Variants in MAST2 observed in about 807,000 individuals in gnomAD.
MAST2 encodes microtubule-associated serine/threonine-protein kinase 2.
MAST2 carries 70 observed loss-of-function variants against 147.4 expected under a neutral mutation model. The observed-to-expected ratio is 0.47, with a 90% CI of 0.39 to 0.58. The LOEUF is 0.58. Among genes scored for constraint, MAST2 ranks in the 20% least tolerant of loss-of-function variants. MAST2 has a pLI of 0.00. For synonymous variants in MAST2, 869 were observed against 896.8 expected, an observed-to-expected ratio of 0.97 and a Z score of 0.55; for missense variants, 2,080 against 2,302.3, an observed-to-expected ratio of 0.90 and a Z score of 1.98.
At chr1:46,008,517 G>T (rs1645583134) in intron 9 of MAST2, 146 bp downstream of exon 9, 1 of 630,340 alleles carries the variant, frequency 1.6e-6, no homozygotes, top group African/African-American at 1.8e-5. Context: ...CCAGGAGGCT[G>T]TGGACACAGC....
chr1:45,986,932 G>A (rs915651765), intron 5 of MAST2, among the ~76,000 whole-genome samples: 2 of 152,076 alleles, frequency 1.3e-5, no homozygotes, highest in Admixed American at 6.6e-5. Context: ...CAATTTTCTG[G>A]AAGTGTGTAG....
intron 16 of MAST2, among the ~76,000 whole-genome samples, chr1:46,026,026 G>A (rs574963366): frequency 3.9e-5 from 6 of 152,224 alleles, no homozygotes; most frequent in South Asian, 4.2e-4. Context: ...ATAAGGCTTC[G>A]GTGACATGGA....
At position 45,961,805 on chromosome 1, in the gene MAST2, G is replaced by T. The variant is rs540660143; in HGVS notation, c.592+2328G>T. Among the ~76,000 whole-genome samples the T allele has an allele frequency of 2.8e-4, 43 of 152,030 alleles. 1 individual carries two copies. In the East Asian group the frequency reaches 6.8e-3, roughly 24 times the overall value. ...ATTTTATTATACTTTAAGTTCTAGGGTACATGTGCACAACTTACAGGTTTG... is the reference window on the plus strand; with the variant it reads ...ATTTTATTATACTTTAAGTTCTAGGTTACATGTGCACAACTTACAGGTTTG... On this transcript the variant is annotated intron_variant, in intron 5 of 28. Transcript: ENST00000361297.
chr1:45,994,901 CTG>C (rs1404167090), intron 5 of MAST2, among the ~76,000 whole-genome samples: 1 of 151,296 alleles, frequency 6.6e-6, no homozygotes, highest in Non-Finnish European at 1.5e-5. Flanking sequence ...TACAGTGGCA[CTG>C]TCTCGGCTCA....
At chr1:45,935,197 TCTG>T (rs1656003614) in intron 4 of MAST2, among the ~76,000 whole-genome samples, 1 of 152,212 alleles carries the variant, frequency 6.6e-6, no homozygotes, top group South Asian at 2.1e-4. Context: ...TTGTGTGTCT[TCTG>T]AGGAGTGTCT....
At chr1:45,881,672 C>T (rs1464943220) in intron 3 of MAST2, among the ~76,000 whole-genome samples, 3 of 151,946 alleles carry the variant, frequency 2.0e-5, no homozygotes, top group Non-Finnish European at 4.4e-5. Context: ...ACCCACTGCC[C>T]CTAATCCTAT....
chr1:45,957,883 G>A (rs4454479), intron 4 of MAST2, among the ~76,000 whole-genome samples: 51,534 of 151,996 alleles, frequency 0.34, 9,117 homozygotes, highest in African/African-American at 0.43. Flanking sequence ...AAATAGATGG[G>A]AAGCTTGGTT....
intron 10 of MAST2, among the ~76,000 whole-genome samples, chr1:46,018,199 C>T (rs34175029): frequency 0.45 from 67,954 of 151,974 alleles, 15,400 homozygotes; most frequent in East Asian, 0.63. Context: ...AGGGCACCAT[C>T]CGGCATGCCT....
chr1:46,004,252 G>A (rs559667325), intron 7 of MAST2, among the ~76,000 whole-genome samples: 2 of 150,814 alleles, frequency 1.3e-5, no homozygotes, highest in Non-Finnish European at 3.0e-5. Context: ...TAGTCCCAGC[G>A]TCTCAGGAGG....
chr1:45,824,666 A>T, intron 2 of MAST2, 86 bp downstream of exon 2: 1 of 1,367,758 alleles, frequency 7.3e-7, no homozygotes, highest in East Asian at 2.4e-5. Flanking sequence ...GCATCTTGAC[A>T]GTTTCTTCTC....
rs764870754 is a variant in MAST2, at chr1:46,021,957, A to G, written c.1298A>G (p.Asp433Gly). Reference sequence around the variant, plus strand: ...CTCTCTCCCTTGGTACAGGAGTTTGACCCTGAAGAGTTCTACCACCTTTTA... The same window carrying G: ...CTCTCTCCCTTGGTACAGGAGTTTGGCCCTGAAGAGTTCTACCACCTTTTA... ...PARLLECLEF[D>G]PEEFYHLLEA... is the part of the protein sequence containing the mutation. The change falls in exon 12 of 29, where the codon GAC (aspartate) becomes GGC (glycine). Residue 433 changes from aspartate (D) to glycine (G), a missense_variant. Asp to Gly is a moderately conservative substitution (Grantham distance 94). This residue lies in a region of MAST2 where 569 missense variants were observed against 642.5 expected (regional missense o/e 0.89). Coordinates refer to ENST00000361297, the MANE Select transcript of MAST2 (RefSeq NM_015112.3). The G allele has an allele frequency of 6.2e-7, 1 of 1,614,152 alleles. No homozygotes were observed. Among genetic ancestry groups the G allele is most frequent in the Non-Finnish European group, 8.5e-7 (1 of 1,180,012 alleles).
chr1:45,878,686 A>G (rs938505355), intron 3 of MAST2, among the ~76,000 whole-genome samples: 2 of 152,138 alleles, frequency 1.3e-5, no homozygotes, highest in Admixed American at 6.5e-5. Flanking sequence ...AAATTAATTG[A>G]ATTTCTATAA....
chr1:45,971,268 G>A (rs1643903207), intron 5 of MAST2, among the ~76,000 whole-genome samples: 1 of 152,182 alleles, frequency 6.6e-6, no homozygotes, highest in African/African-American at 2.4e-5. Flanking sequence ...CAGCAATCAG[G>A]GAATAGCCCT....
At chr1:45,954,090 T>C (rs1659322231) in intron 4 of MAST2, among the ~76,000 whole-genome samples, 1 of 152,156 alleles carries the variant, frequency 6.6e-6, no homozygotes, top group Non-Finnish European at 1.5e-5. Flanking sequence ...TTCTAAATTC[T>C]AAAAGGTGCC....
chr1:46,002,008 C>G (rs1328336468), intron 6 of MAST2, among the ~76,000 whole-genome samples: 1 of 152,162 alleles, frequency 6.6e-6, no homozygotes, highest in Non-Finnish European at 1.5e-5. Context: ...CACCACATCC[C>G]ACAGTCCAGG....
Position 46,030,217 on chromosome 1 carries a change from C to G in MAST2, c.2532C>G (p.Ser844=). 5.0e-6 allele frequency: 8 copies of G among 1,614,188 alleles called. No homozygotes were observed. The highest frequency in any genetic ancestry group is 1.1e-5 in the South Asian group (1 of 91,060). Residue 844 remains serine (S), a synonymous_variant, in exon 21 of 29, where the codon TCC becomes TCG. Coordinates refer to ENST00000361297, the MANE Select transcript of MAST2 (RefSeq NM_015112.3). ...GCCTTGAGATCCGCCAGTTCTCTTC[C>G]TGCTCTCCAAGGTTCAACAAGGTGT... ...DGCLEIRQFS[S]CSPRFNKVYS...
In MAST2 at chr1:46,031,478, G is replaced by A. The variant is rs772193704; in HGVS notation, c.3080G>A (p.Arg1027His). The A allele has an allele frequency of 1.4e-5, 22 of 1,614,004 alleles. No individual in the cohort carries two copies. Among genetic ancestry groups the A allele is most frequent in the African/African-American group, 2.7e-5 (2 of 74,924 alleles). ...AGTGACCTGGCTGTGCGTAGGGCCC[G>A]CCACCGGCTGCTCTCTGGGGACTCA... Reference protein sequence around the residue: ...AISDLAVRRARHRLLSGDSTE... With the variant: ...AISDLAVRRAHHRLLSGDSTE... The change falls in exon 24 of 29, where the codon CGC (arginine) becomes CAC (histidine). Residue 1027 changes from arginine to histidine, a missense_variant. Physicochemically the swap from Arg to His is conservative, Grantham distance 29 (BLOSUM62 0). Transcript: ENST00000361297. The surrounding 1 kb of genome is among the most constrained non-coding windows in gnomAD (Gnocchi z 4.1).
At chr1:45,848,510 G>A (rs1429061061) in intron 3 of MAST2, among the ~76,000 whole-genome samples, 2 of 152,198 alleles carry the variant, frequency 1.3e-5, no homozygotes, top group African/African-American at 4.8e-5. Context: ...GGTGTTGCTG[G>A]AAGAAATAAG....
intron 3 of MAST2, among the ~76,000 whole-genome samples, chr1:45,833,111 C>T (rs2147843358): frequency 6.6e-6 from 1 of 152,272 alleles, no homozygotes; most frequent in East Asian, 1.9e-4. Flanking sequence ...CATGTTGCAG[C>T]ATGTGTTCCT....
Sources: allele counts gnomAD v4.1 joint callset (sites outside exome capture counted in the v4.1 genomes callset), GRCh38; gene constraint gnomAD v4.1.1; regional missense constraint gnomAD v4.1.1; non-coding constraint Gnocchi (gnomAD v3.1); transcripts MANE v1.5; gene names NCBI Gene and HGNC (gene_info 2026-07-23, HGNC 2026-07-21).